CD8B2: variants seen among roughly 807,000 people sequenced by gnomAD.
CD8B2 encodes the protein CD8B family member 2.
Under a neutral mutation model 23.7 loss-of-function variants are expected in CD8B2, and 11 were observed. The observed-to-expected ratio is 0.46, with a 90% CI of 0.29 to 0.77. The LOEUF (loss-of-function observed/expected upper bound fraction) is 0.77, where lower values mean the gene tolerates loss of function less well. Among genes scored for constraint, CD8B2 ranks in the 30% least tolerant of loss-of-function variants. The probability of loss-of-function intolerance (pLI) is 0.09; values close to 1 mark genes in which losing one functional copy is unlikely to be tolerated. For synonymous variants in CD8B2, 90 were observed against 109.3 expected (o/e 0.82, Z 1.10); for missense variants, 197 against 270.5 (o/e 0.73, Z 1.91).
At chr2:106,514,566 C>T (rs1473255948), downstream of CD8B2, among the ~76,000 whole-genome samples, 2 of 151,760 alleles carry the variant, frequency 1.3e-5, no homozygotes, top group Admixed American at 6.6e-5. Context: ...AGATTTCAGG[C>T]GTGAGCCACT....
At chr2:106,525,968 G>A (rs765124204) in intron 5 of CD8B2, among the ~76,000 whole-genome samples, 3 of 152,190 alleles carry the variant, frequency 2.0e-5, no homozygotes, top group African/African-American at 7.2e-5. Flanking sequence ...TTGGCCCGGC[G>A]TGGTGGCTTA....
intron 5 of CD8B2, among the ~76,000 whole-genome samples, chr2:106,534,279 G>A (rs567485584): frequency 4.4e-4 from 67 of 152,258 alleles, no homozygotes; most frequent in African/African-American, 1.5e-3. Context: ...GAAGAGGCGG[G>A]GAGAGAGAGG....
intron 2 of CD8B2, 101 bp from the exon 3 acceptor site, chr2:106,496,072 C>G (rs1356257468): frequency 3.9e-6 from 6 of 1,539,418 alleles, no homozygotes; most frequent in Non-Finnish European, 5.3e-6. Context: ...TGTTGGGATT[C>G]CAGGCATGAG....
chr2:106,527,685 G>A (rs990876218), intron 5 of CD8B2, among the ~76,000 whole-genome samples: 7 of 152,220 alleles, frequency 4.6e-5, no homozygotes, highest in Non-Finnish European at 1.0e-4. Flanking sequence ...TTGGGAGGCT[G>A]AGGCAGAGAA....
At chr2:106,497,646 A>C (rs1259638314) in intron 3 of CD8B2, among the ~76,000 whole-genome samples, 1 of 152,212 alleles carries the variant, frequency 6.6e-6, no homozygotes, top group Non-Finnish European at 1.5e-5. Flanking sequence ...TATTGAGGAC[A>C]GTACTGAATA....
intron 5 of CD8B2, among the ~76,000 whole-genome samples, chr2:106,524,822 A>G (rs1448659313): frequency 1.3e-5 from 2 of 152,116 alleles, no homozygotes; most frequent in African/African-American, 2.4e-5. Context: ...CAGGCTGCAC[A>G]TGGGAATCCC....
In CD8B2 at chr2:106,532,209, A is replaced by G. The variant is rs559467589; in HGVS notation, c.621-11783A>G. Among the ~76,000 whole-genome samples, 4 of 152,296 alleles carry G rather than the reference A, an allele frequency of 2.6e-5. No homozygotes were observed. In the South Asian group the frequency reaches 8.3e-4, roughly 32 times the overall value. On this transcript the variant is annotated intron_variant, in intron 5 of 5. Coordinates refer to the CD8B2 transcript ENST00000416057. ...TCCTTTGAATCTTTAGTAGAATCCC[A>G]TTACGACTGGTTGTTGGAGGGGAGG...
chr2:106,522,974 T>C (rs1302693892), intron 5 of CD8B2, among the ~76,000 whole-genome samples: 2 of 152,110 alleles, frequency 1.3e-5, no homozygotes, highest in East Asian at 1.9e-4. Context: ...AAAGTTCTGC[T>C]ATTGCTCTCA....
At chr2:106,499,177 G>A (rs1466327467) in intron 3 of CD8B2, among the ~76,000 whole-genome samples, 4 of 152,204 alleles carry the variant, frequency 2.6e-5, no homozygotes, top group South Asian at 2.1e-4. Flanking sequence ...CCTCTCCTCA[G>A]GAAGGAGCCC....
intron 2 of CD8B2, among the ~76,000 whole-genome samples, chr2:106,492,208 C>G (rs1160845536): frequency 6.6e-6 from 1 of 151,978 alleles, no homozygotes; most frequent in African/African-American, 2.4e-5. Flanking sequence ...GTGCTGATGG[C>G]CTCCATGACC....
In CD8B2 at chr2:106,509,626, C is replaced by T. The variant is rs866544376; in HGVS notation, c.*2686C>T. 13 of 151,786 alleles carry T rather than the reference C, an allele frequency of 8.6e-5. No individual in the cohort carries two copies. The highest frequency in any genetic ancestry group is 2.1e-4 in the South Asian group (1 of 4,818). 9.4% of individuals were successfully genotyped at this position (151,786 alleles called of 1,614,324 possible). Reference sequence around the variant, plus strand: ...AGTTTTCTGTGCAGCAGGCACCTGCCGAGGCGGGCTCAGCTCCGGCCACCC... The same window carrying T: ...AGTTTTCTGTGCAGCAGGCACCTGCTGAGGCGGGCTCAGCTCCGGCCACCC... On this transcript the variant is annotated 3_prime_UTR_variant, in exon 6 of 6. Coordinates refer to ENST00000643224, the MANE Select transcript of CD8B2 (RefSeq NM_001349727.2).
intron 5 of CD8B2, among the ~76,000 whole-genome samples, chr2:106,505,900 G>A (rs1679495739): frequency 6.6e-6 from 1 of 152,180 alleles, no homozygotes; most frequent in Admixed American, 6.5e-5. Context: ...GGAGGCCCAA[G>A]GCAGGTAGAT....
chr2:106,539,921 T>G (rs1680146515), intron 5 of CD8B2, among the ~76,000 whole-genome samples: 2 of 152,278 alleles, frequency 1.3e-5, no homozygotes, highest in African/African-American at 4.8e-5. Context: ...TGGGACTTCC[T>G]GATCGTTAAA....
intron 5 of CD8B2, among the ~76,000 whole-genome samples, chr2:106,529,802 G>A (rs1679967132): frequency 6.6e-6 from 1 of 152,184 alleles, no homozygotes; most frequent in Admixed American, 6.5e-5. Flanking sequence ...GGCTGGGGTG[G>A]GTGATCCTGA....
In CD8B2 at chr2:106,510,549, C is replaced by A. The variant is rs1487824598; in HGVS notation, c.*3609C>A. On this transcript the variant is annotated 3_prime_UTR_variant, in exon 6 of 6. Coordinates refer to ENST00000643224, the MANE Select transcript of CD8B2 (RefSeq NM_001349727.2). ...TTTGAGAGCAGCCTAGGCAACATAG[C>A]AAGACCTCGACTCTACAAAAAATTT... The A allele has an allele frequency of 6.6e-6, 1 of 152,170 alleles. No homozygotes were observed. Among genetic ancestry groups the A allele is most frequent in the East Asian group, 1.9e-4 (1 of 5,170 alleles). The allele number at this position is 152,170 out of a possible 1,614,324, so 9.4% of individuals were successfully genotyped here. A position where few individuals can be genotyped will look rare whatever the true frequency, so the allele number is the denominator to read the frequency against.
At chr2:106,514,872 A>G (rs577406825), downstream of CD8B2, among the ~76,000 whole-genome samples, 40 of 152,306 alleles carry the variant, frequency 2.6e-4, 1 homozygote, top group Admixed American at 2.2e-3. Flanking sequence ...ATGGTTAAGC[A>G]TACATTTTCC....
chr2:106,534,415 CACA>C (rs915915660), intron 5 of CD8B2, among the ~76,000 whole-genome samples: 5 of 151,608 alleles, frequency 3.3e-5, no homozygotes, highest in Non-Finnish European at 7.4e-5. Context: ...ACAACAACAA[CACA>C]ACAACAACAA....
intron 5 of CD8B2, among the ~76,000 whole-genome samples, chr2:106,505,226 A>G (rs1305406937): frequency 6.6e-6 from 1 of 152,140 alleles, no homozygotes; most frequent in Non-Finnish European, 1.5e-5. Flanking sequence ...CTATCCAGTT[A>G]ATTACATTTG....
chr2:106,513,436 A>G (rs1679675134), downstream of CD8B2, among the ~76,000 whole-genome samples: 1 of 151,758 alleles, frequency 6.6e-6, no homozygotes, highest in South Asian at 2.1e-4. Flanking sequence ...TGATGCCAAC[A>G]CAAGCAGAGG....
Sources: allele counts gnomAD v4.1 joint callset (sites outside exome capture counted in the v4.1 genomes callset), GRCh38; gene constraint gnomAD v4.1.1; transcripts MANE v1.5; gene names NCBI Gene and HGNC (gene_info 2026-07-23, HGNC 2026-07-21).